The following PHKA1 variants were observed in gnomAD, a reference collection of about 807,000 sequenced individuals.
PHKA1 encodes phosphorylase kinase regulatory subunit alpha 1.
Under a neutral mutation model 110.2 loss-of-function variants are expected in PHKA1, and 60 were observed. That is an observed-to-expected ratio of 0.54 (90% CI 0.44 to 0.68). PHKA1 has a LOEUF of 0.68. Ranked by LOEUF, PHKA1 falls within the 30% of genes least tolerant of loss-of-function variation. The pLI is 0.00. For synonymous variants in PHKA1, 316 were observed against 333.6 expected (o/e 0.95, Z 0.58); for missense variants, 801 against 942.5 (o/e 0.85, Z 1.97).
At chrX:72,676,409 A>T (rs898855987) in intron 5 of PHKA1, among the ~76,000 whole-genome samples, 1 of 111,528 alleles carries the variant, frequency 9.0e-6, no homozygotes, top group Admixed American at 9.6e-5. Context: ...AGGGCTAAGA[A>T]CTATAACTCT....
At chrX:72,649,358 G>A (rs1438177036) in intron 13 of PHKA1, among the ~76,000 whole-genome samples, 5 of 111,621 alleles carry the variant, frequency 4.5e-5, no homozygotes, top group African/African-American at 1.6e-4. Context: ...TAGAATAATG[G>A]TGATATCATT....
intron 26 of PHKA1, 104 bp from the exon 27 acceptor site, chrX:72,602,377 T>C: frequency 1.9e-6 from 1 of 536,416 alleles, no homozygotes; most frequent in Non-Finnish European, 3.3e-6. Flanking sequence ...TATTTTTAAC[T>C]TAATTTAAAA....
chrX:72,588,328 T>C (rs1429459167), intron 29 of PHKA1, among the ~76,000 whole-genome samples: 1 of 112,149 alleles, frequency 8.9e-6, no homozygotes, highest in African/African-American at 3.2e-5. Flanking sequence ...CCTGAATGAA[T>C]ACTGGGTACA....
At chrX:72,701,131 C>T (rs782032715) in intron 3 of PHKA1, among the ~76,000 whole-genome samples, 5 of 112,255 alleles carry the variant, frequency 4.5e-5, no homozygotes, top group South Asian at 3.7e-4. Context: ...TCATTTGTAA[C>T]GGGACACAGT....
chrX:72,641,013 C>T, intron 14 of PHKA1, among the ~76,000 whole-genome samples: 1 of 110,631 alleles, frequency 9.0e-6, no homozygotes, highest in Non-Finnish European at 1.9e-5. Flanking sequence ...ATTGTAGACA[C>T]ATAGTTTCAA....
intron 11 of PHKA1, among the ~76,000 whole-genome samples, chrX:72,653,110 G>A (rs2053450073): frequency 9.0e-6 from 1 of 111,099 alleles, no homozygotes; most frequent in African/African-American, 3.3e-5. Context: ...AACAATCCGG[G>A]ATTACTGGCC....
chrX:72,624,257 T>A (rs782026708), intron 17 of PHKA1, among the ~76,000 whole-genome samples: 39 of 112,109 alleles, frequency 3.5e-4, no homozygotes, highest in Middle Eastern at 9.2e-3. Flanking sequence ...CTTTTGAATA[T>A]AAGCTTAACT....
intron 21 of PHKA1, among the ~76,000 whole-genome samples, chrX:72,614,287 A>AAGAG (rs35637733): frequency 9.1e-6 from 1 of 109,723 alleles, no homozygotes; most frequent in Admixed American, 9.9e-5. Flanking sequence ...ATCAACGTGA[A>AAGAG]AGAGAGAGAG....
chrX:72,617,525 C>A (rs931900786), intron 21 of PHKA1, among the ~76,000 whole-genome samples: 10 of 109,635 alleles, frequency 9.1e-5, no homozygotes, highest in Non-Finnish European at 1.7e-4. Context: ...ACTTCAAAAT[C>A]AAAAAAAGAA....
At chrX:72,664,365 C>G (rs1556305589) in intron 8 of PHKA1, among the ~76,000 whole-genome samples, 1 of 111,478 alleles carries the variant, frequency 9.0e-6, no homozygotes, top group African/African-American at 3.3e-5. Context: ...AGCATCAATT[C>G]AGCAAGAGGT....
Position 72,580,052 on chromosome X carries a change from T to C in PHKA1, c.*950A>G, listed in dbSNP as rs1471723147. On this transcript the variant is annotated 3_prime_UTR_variant, in exon 32 of 32. Transcript: ENST00000373542. The stretch of plus-strand genomic sequence containing the variant: ...TTCAAATTATTGTCTGTGTTGTGTA[T>C]TGGCCCATTTTTCAAAGGCAGGGAT... The C allele has an allele frequency of 9.0e-6, 1 of 111,464 alleles. No individual in the cohort carries two copies. The highest frequency in any genetic ancestry group is 1.9e-5 in the Non-Finnish European group (1 of 53,125). The allele number at this position is 111,464 out of a possible 1,213,427, so 9.2% of individuals were successfully genotyped here.
chrX:72,620,733 T>C lies in PHKA1; in HGVS notation c.2129A>G (p.His710Arg). 3 of 1,207,793 alleles carry C rather than the reference T, an allele frequency of 2.5e-6. No homozygotes were observed. Among genetic ancestry groups the C allele is most frequent in the Non-Finnish European group, 3.4e-6 (3 of 893,058 alleles). ...MSLVTKAKEL[H>R]VQNVHMYLPT... The stretch of plus-strand genomic sequence containing the variant: ...GTCACGGCATTACTCACTCTGTACA[T>C]GCAGTTCCTTGGCCTTGGTCACCAA... The change falls in exon 19 of 32, where the codon CAT becomes CGT. Residue 710 changes from histidine to arginine, a missense_variant. By Grantham distance (29) the His-to-Arg change is conservative. This residue lies in a region of PHKA1 where 502 missense variants were observed against 519.2 expected (regional missense o/e 0.97). Coordinates refer to ENST00000373542, the MANE Select transcript of PHKA1 (RefSeq NM_002637.4).
In PHKA1 at chrX:72,712,854, C is replaced by T. The variant is rs782212117; in HGVS notation, c.162G>A (p.Val54=). ...TCCGATAGGCCAGGCCCAAACCCCA[C>T]ACAGCCAAGATGCTGTACACATTAT... ...VRDNVYSILA[V]WGLGLAYRKN... The change falls in exon 2 of 32, where the codon GTG becomes GTA. Residue 54 remains valine (V), a synonymous_variant. Transcript: ENST00000373542. 8.3e-6 allele frequency: 10 copies of T among 1,210,112 alleles called. No individual in the cohort carries two copies. The South Asian group carries it at 8.8e-5, about 11-fold the overall frequency.
chrX:72,593,434 C>T (rs781969954), intron 28 of PHKA1, 160 bp from the exon 29 acceptor site: 28 of 435,163 alleles, frequency 6.4e-5, no homozygotes, highest in Admixed American at 4.1e-4. Context: ...CTCTGCCTCC[C>T]GGGTTCATGC....
At chrX:72,667,531 C>A in intron 6 of PHKA1, 58 bp from the exon 7 acceptor site, 3 of 843,182 alleles carry the variant, frequency 3.6e-6, no homozygotes, top group Non-Finnish European at 3.5e-6. Context: ...TATATTTCTT[C>A]TCCCTATATC....
intron 12 of PHKA1, among the ~76,000 whole-genome samples, chrX:72,652,031 G>C (rs1056342807): frequency 2.7e-5 from 3 of 110,956 alleles, no homozygotes; most frequent in Non-Finnish European, 1.9e-5. Flanking sequence ...AACAGAATCT[G>C]ATATAAGGAA....
rs372356781 is a variant in PHKA1 at position 72,617,746 on chromosome X, G to A, written c.2369+964C>T. On this transcript the variant is annotated intron_variant, in intron 21 of 31. Transcript: ENST00000373542. Reference sequence around the variant, plus strand: ...GTAATAAAAAGTCTCCCATCAAAGGGAAGCCCAGGACCAGATGGTTTCACT... The same window carrying A: ...GTAATAAAAAGTCTCCCATCAAAGGAAAGCCCAGGACCAGATGGTTTCACT... Among the ~76,000 whole-genome samples, 4 of 109,776 alleles carry A rather than the reference G, an allele frequency of 3.6e-5. No homozygotes were observed. The East Asian group carries it at 1.1e-3, about 31-fold the overall frequency.
intron 22 of PHKA1, among the ~76,000 whole-genome samples, chrX:72,610,445 C>T (rs2052791855): frequency 9.0e-6 from 1 of 111,605 alleles, no homozygotes; most frequent in African/African-American, 3.3e-5. Context: ...CTGTAAATGA[C>T]AGGGTTTTAC....
At position 72,580,856 on chromosome X, in the gene PHKA1, T is replaced by C. The variant is rs1219999395; in HGVS notation, c.*146A>G. 1.8e-6 allele frequency: 1 copy of C among 544,224 alleles called. No individual in the cohort carries two copies. Among genetic ancestry groups the C allele is most frequent in the Non-Finnish European group, 3.2e-6 (1 of 314,425 alleles). 44.9% of individuals were successfully genotyped at this position (544,224 alleles called of 1,213,427 possible). A position where few individuals can be genotyped will look rare whatever the true frequency, so the allele number is the denominator to read the frequency against. ...CACTTCTTCTACAGTAGTTAGTTTA[T>C]CGAAAAAGTTCTCTCTTCTTGGGAA... On this transcript the variant is annotated 3_prime_UTR_variant, in exon 32 of 32. Transcript: ENST00000373542.
Sources: allele counts gnomAD v4.1 joint callset (sites outside exome capture counted in the v4.1 genomes callset), GRCh38; gene constraint gnomAD v4.1.1; regional missense constraint gnomAD v4.1.1; transcripts MANE v1.5; gene names NCBI Gene and HGNC (gene_info 2026-07-23, HGNC 2026-07-21).